The following FARP1 variants were observed in gnomAD, a reference collection of about 807,000 sequenced individuals.
FARP1 encodes the protein FERM, ARH/RhoGEF and pleckstrin domain protein 1.
FARP1 carries 52 observed loss-of-function variants against 128.8 expected under a neutral mutation model. That is an observed-to-expected ratio of 0.40 (90% CI 0.32 to 0.51). The LOEUF is 0.51. Ranked by LOEUF, FARP1 falls within the 20% of genes least tolerant of loss-of-function variation. The probability of loss-of-function intolerance (pLI) is 0.45; values close to 1 mark genes in which losing one functional copy is unlikely to be tolerated. For synonymous variants in FARP1, 580 were observed against 551.8 expected, an observed-to-expected ratio of 1.05 and a Z score of -0.72; for missense variants, 1,333 against 1,367.9, an observed-to-expected ratio of 0.97 and a Z score of 0.40.
chr13:98,430,543 C>G (rs1156666540), intron 17 of FARP1, among the ~76,000 whole-genome samples: 2 of 152,222 alleles, frequency 1.3e-5, no homozygotes, highest in Admixed American at 1.3e-4. Flanking sequence ...TCTCATCCAT[C>G]TCCCCAGACC....
intron 13 of FARP1, chr13:98,397,471 C>T (rs1286579354): frequency 1.3e-5 from 2 of 152,182 alleles, no homozygotes; most frequent in Admixed American, 6.5e-5. Flanking sequence ...TTGGATGTTT[C>T]TCTGAGCCAG....
intron 1 of FARP1, among the ~76,000 whole-genome samples, chr13:98,165,806 T>C (rs1877227289): frequency 7.1e-6 from 1 of 140,324 alleles, no homozygotes; most frequent in African/African-American, 2.7e-5. Context: ...AAACCTCTGC[T>C]TCCCAGGTTC....
At chr13:98,398,498 T>G (rs1890641108) in intron 13 of FARP1, 2 of 152,218 alleles carry the variant, frequency 1.3e-5, no homozygotes, top group African/African-American at 2.4e-5. Flanking sequence ...TTTTTTAATC[T>G]CTGTGATATC....
Position 98,143,436 on chromosome 13 carries a change from C to T in FARP1, c.-80C>T, listed in dbSNP as rs1875218111. ...TCGGCCGCCGGGGGCTTGGGAGCCG[C>T]CGATCCCGGAGCCCGAGCCGGGAGA... On this transcript the variant is annotated 5_prime_UTR_variant, in exon 1 of 27. Coordinates refer to ENST00000319562, the MANE Select transcript of FARP1 (RefSeq NM_005766.4). 6.6e-6 allele frequency: 1 copy of T among 150,486 alleles called. No individual in the cohort carries two copies. Among genetic ancestry groups the T allele is most frequent in the Admixed American group, 6.6e-5 (1 of 15,086 alleles). 9.3% of individuals were successfully genotyped at this position (150,486 alleles called of 1,614,324 possible).
chr13:98,145,215 C>T (rs1875433879), intron 1 of FARP1, among the ~76,000 whole-genome samples: 1 of 152,146 alleles, frequency 6.6e-6, no homozygotes, highest in Admixed American at 6.5e-5. Context: ...AAACTGGAAA[C>T]CCTCGGTGTG....
At chr13:98,226,216 C>T (rs949968864) in intron 2 of FARP1, among the ~76,000 whole-genome samples, 6 of 152,220 alleles carry the variant, frequency 3.9e-5, no homozygotes, top group African/African-American at 1.4e-4. Context: ...AAAGCTGGTC[C>T]TGTGCTTCTC....
At chr13:98,270,914 C>T (rs1417402035) in intron 2 of FARP1, among the ~76,000 whole-genome samples, 2 of 152,152 alleles carry the variant, frequency 1.3e-5, no homozygotes, top group African/African-American at 2.4e-5. Flanking sequence ...GGCCAGGGTA[C>T]GAGTCTAGAT....
chr13:98,255,348 A>G (rs4238214), intron 2 of FARP1, among the ~76,000 whole-genome samples: 113,238 of 151,992 alleles, frequency 0.75, 44,578 homozygotes, highest in East Asian at 0.89. Flanking sequence ...AAATAGAAAA[A>G]AAAATAGCCG....
intron 5 of FARP1, among the ~76,000 whole-genome samples, chr13:98,374,210 G>T (rs1179954947): frequency 1.3e-5 from 2 of 152,308 alleles, no homozygotes; most frequent in East Asian, 3.9e-4. Context: ...GATGTCTTGA[G>T]CCTAGCAGTT....
Position 98,176,977 on chromosome 13 carries a change from G to A in FARP1, c.-24+33485G>A, listed in dbSNP as rs1878109074. ...CCTGTACACCACGTCGAGGCTCTCA[G>A]GCGCCGCCTCCTCGCCCCTCCTGTC... On this transcript the variant is annotated intron_variant, in intron 1 of 26. Coordinates refer to ENST00000319562, the MANE Select transcript of FARP1 (RefSeq NM_005766.4). This position sits in a 1 kb window ranked among gnomAD's most constrained non-coding sequence, Gnocchi z 6.2. 24 of 1,600,172 alleles carry A rather than the reference G, an allele frequency of 1.5e-5. No homozygotes were observed. The highest frequency in any genetic ancestry group is 2.0e-5 in the Non-Finnish European group (24 of 1,179,716).
chr13:98,277,150 C>CACACACACACACA (rs1566824337), intron 2 of FARP1, among the ~76,000 whole-genome samples: 208 of 11,712 alleles, frequency 0.018, no homozygotes, highest in South Asian at 0.073. Context: ...ACACACACAC[C>CACACACACACACA]CCATATGTAT....
At chr13:98,216,693 T>C (rs569985013) in intron 2 of FARP1, among the ~76,000 whole-genome samples, 2 of 152,318 alleles carry the variant, frequency 1.3e-5, no homozygotes, top group South Asian at 2.1e-4. Context: ...TCCTTCTTTG[T>C]ACCCTAAAAA....
intron 6 of FARP1, chr13:98,384,520 T>C: frequency 5.2e-6 from 3 of 581,996 alleles, no homozygotes; most frequent in South Asian, 2.2e-5. Context: ...CTGATAGAGA[T>C]GAGGAGGGGA....
intron 2 of FARP1, among the ~76,000 whole-genome samples, chr13:98,343,335 CT>C (rs377378449): frequency 2.5e-4 from 38 of 152,250 alleles, no homozygotes; most frequent in African/African-American, 8.7e-4. Context: ...CGGAGTGAGC[CT>C]TGTGTGAGCT....
At chr13:98,413,064 CA>C (rs968784024) in intron 16 of FARP1, among the ~76,000 whole-genome samples, 3 of 142,620 alleles carry the variant, frequency 2.1e-5, no homozygotes, top group African/African-American at 7.7e-5. Context: ...AACAGCTAAG[CA>C]GAGCTGCTTT....
intron 2 of FARP1, among the ~76,000 whole-genome samples, chr13:98,280,954 A>G (rs1415071399): frequency 1.3e-5 from 2 of 152,248 alleles, no homozygotes; most frequent in African/African-American, 4.8e-5. Context: ...TAACATGATT[A>G]ATGTAATCCT....
intron 2 of FARP1, among the ~76,000 whole-genome samples, chr13:98,295,543 C>T (rs1347453149): frequency 6.6e-6 from 1 of 152,182 alleles, no homozygotes; most frequent in African/African-American, 2.4e-5. Flanking sequence ...ATAAAAATAA[C>T]CTCCCAGTCC....
chr13:98,372,385 A>G (rs1258235292), intron 5 of FARP1, among the ~76,000 whole-genome samples: 1 of 152,118 alleles, frequency 6.6e-6, no homozygotes, highest in Non-Finnish European at 1.5e-5. Context: ...GCACCCTGCC[A>G]CATGATCTCA....
At chr13:98,325,751 A>G (rs1392226353) in intron 2 of FARP1, among the ~76,000 whole-genome samples, 2 of 152,228 alleles carry the variant, frequency 1.3e-5, no homozygotes, top group Non-Finnish European at 2.9e-5. Context: ...TTTGATCTGC[A>G]TGGAGTTGTC....
Sources: allele counts gnomAD v4.1 joint callset (sites outside exome capture counted in the v4.1 genomes callset), GRCh38; gene constraint gnomAD v4.1.1; non-coding constraint Gnocchi (gnomAD v3.1); transcripts MANE v1.5; gene names NCBI Gene and HGNC (gene_info 2026-07-23, HGNC 2026-07-21).